Variants in ELF1 observed in about 807,000 individuals in gnomAD.
ELF1 encodes the protein ETS-related transcription factor Elf-1.
In ELF1, 24 loss-of-function variants were observed where a neutral mutation model predicts 59.9. The observed-to-expected ratio is 0.40, with a 90% CI of 0.29 to 0.56. The LOEUF is 0.56. Ranked by LOEUF, ELF1 falls within the 20% of genes least tolerant of loss-of-function variation. The pLI is 0.44. For missense variants in ELF1, 627 were observed against 742.2 expected (o/e 0.84, Z 1.80); for synonymous variants, 248 against 266.2 (o/e 0.93, Z 0.67).
chr13:40,943,807 G>T (rs771098060), intron 6 of ELF1, 35 bp downstream of exon 6: 1 of 1,569,698 alleles, frequency 6.4e-7, no homozygotes, highest in Admixed American at 1.8e-5. Context: ...AGCAATCTGA[G>T]TGTTATTTGA....
chr13:40,984,773 C>T (rs1379164174), intron 1 of ELF1, among the ~76,000 whole-genome samples: 2 of 152,122 alleles, frequency 1.3e-5, no homozygotes, highest in Non-Finnish European at 1.5e-5. Context: ...ATTTCAAAAC[C>T]CATTTGTTCA....
At chr13:40,983,897 CT>C (rs1255217290) in intron 1 of ELF1, among the ~76,000 whole-genome samples, 3 of 152,144 alleles carry the variant, frequency 2.0e-5, no homozygotes, top group African/African-American at 7.2e-5. Flanking sequence ...CACCCATCTT[CT>C]ACTTGCCAGC....
Position 40,943,042 on chromosome 13 carries a change from T to G in ELF1, c.716A>C (p.Lys239Thr). 6.2e-7 allele frequency: 1 copy of G among 1,613,354 alleles called. No individual in the cohort carries two copies. Among genetic ancestry groups the G allele is most frequent in the Non-Finnish European group, 8.5e-7 (1 of 1,179,534 alleles). ...KWTQREKGIFKLVDSKAVSRL... is the reference protein window; with the variant it reads ...KWTQREKGIFTLVDSKAVSRL... ...GGACACTGCTTTAGAATCCACCAAT[T>G]TAAAAATGCCTTTCTCTCGCTGGGT... Residue 239 changes from lysine (K) to threonine (T), a missense_variant, in exon 7 of 9, where the codon AAA becomes ACA. By Grantham distance (78) the Lys-to-Thr change is moderately conservative. Coordinates refer to ENST00000239882, the MANE Select transcript of ELF1 (RefSeq NM_172373.4).
chr13:41,001,360 G>T (rs1874434124), intron 1 of ELF1, among the ~76,000 whole-genome samples: 1 of 152,034 alleles, frequency 6.6e-6, no homozygotes, highest in Non-Finnish European at 1.5e-5. Context: ...TGCCAAGATG[G>T]GAGGATCACT....
At chr13:40,998,001 T>A (rs1874212902) in intron 1 of ELF1, among the ~76,000 whole-genome samples, 1 of 151,958 alleles carries the variant, frequency 6.6e-6, no homozygotes, top group Non-Finnish European at 1.5e-5. Context: ...AATAAAAAAA[T>A]TCGCTGGGTG....
At chr13:40,939,248 G>T (rs1869980861) in intron 8 of ELF1, among the ~76,000 whole-genome samples, 1 of 152,142 alleles carries the variant, frequency 6.6e-6, no homozygotes, top group Non-Finnish European at 1.5e-5. Flanking sequence ...CCTGGAAGTA[G>T]GATGCAGTGA....
intron 1 of ELF1, among the ~76,000 whole-genome samples, chr13:41,034,924 A>G (rs1876313387): frequency 6.6e-6 from 1 of 151,822 alleles, no homozygotes; most frequent in Non-Finnish European, 1.5e-5. Context: ...CCCAGCATAT[A>G]CTCTACATCT....
At chr13:41,054,434 T>A (rs1253698253) in intron 1 of ELF1, among the ~76,000 whole-genome samples, 1 of 152,224 alleles carries the variant, frequency 6.6e-6, no homozygotes, top group Non-Finnish European at 1.5e-5. Flanking sequence ...AGTATTAACT[T>A]GTTCATGGAG....
intron 1 of ELF1, among the ~76,000 whole-genome samples, chr13:41,006,571 G>GT: frequency 6.6e-6 from 1 of 152,134 alleles, no homozygotes; most frequent in Admixed American, 6.5e-5. Flanking sequence ...GGGCAGATAA[G>GT]TATTACATCT....
intron 1 of ELF1, among the ~76,000 whole-genome samples, chr13:40,991,309 T>C (rs1004882089): frequency 6.6e-6 from 1 of 152,252 alleles, no homozygotes; most frequent in Non-Finnish European, 1.5e-5. Context: ...AATACTGGTT[T>C]ATTAATTTTG....
rs1442289656 is a variant in ELF1 at position 40,981,993 on chromosome 13, T to C, written c.62A>G (p.Asp21Gly). 1 of 1,606,080 alleles carries C rather than the reference T, an allele frequency of 6.2e-7. No homozygotes were observed. The highest frequency in any genetic ancestry group is 1.3e-5 in the African/African-American group (1 of 74,694). The change falls in exon 2 of 9, where the codon GAT becomes GGT. Residue 21 changes from aspartate to glycine, a missense_variant. Coordinates refer to ENST00000239882, the MANE Select transcript of ELF1 (RefSeq NM_172373.4). ...VFEFASNVME[D>G]ERQLGDPAIF... ...CTCTGAATCTCATACCTGTCGTTCA[T>C]CCTCCATGACGTTACTAGCAAATTC...
intron 1 of ELF1, among the ~76,000 whole-genome samples, chr13:41,044,634 C>CTG (rs1566198969): frequency 5.3e-5 from 8 of 152,060 alleles, no homozygotes; most frequent in East Asian, 1.9e-4. Flanking sequence ...TGCATTCCCC[C>CTG]GGATGAAGCC....
intron 1 of ELF1, among the ~76,000 whole-genome samples, chr13:40,987,975 TGA>T (rs1354043467): frequency 6.6e-6 from 1 of 151,960 alleles, no homozygotes; most frequent in Non-Finnish European, 1.5e-5. Context: ...AGTAAGAAAG[TGA>T]GAGAAAAGAA....
chr13:40,954,573 G>C (rs371820423), intron 3 of ELF1, among the ~76,000 whole-genome samples: 12 of 151,934 alleles, frequency 7.9e-5, no homozygotes, highest in South Asian at 2.1e-4. Flanking sequence ...TCAGCCTGCC[G>C]AGTGCCTGCG....
intron 3 of ELF1, among the ~76,000 whole-genome samples, chr13:40,957,333 T>C (rs1871511088): frequency 7.5e-6 from 1 of 134,024 alleles, no homozygotes; most frequent in Admixed American, 8.2e-5. Context: ...CCAAGATCTA[T>C]GCCTGATGTG....
chr13:41,046,905 G>A (rs144637583), intron 1 of ELF1, among the ~76,000 whole-genome samples: 1,830 of 152,220 alleles, frequency 0.012, 41 homozygotes, highest in African/African-American at 0.041. Flanking sequence ...CATTCTCCCC[G>A]TCACTTTCAG....
chr13:41,051,085 C>A (rs1877069320), intron 1 of ELF1, among the ~76,000 whole-genome samples: 3 of 152,026 alleles, frequency 2.0e-5, no homozygotes, highest in Non-Finnish European at 4.4e-5. Context: ...TGGCAAAAAG[C>A]CATCTAAAAA....
intron 1 of ELF1, among the ~76,000 whole-genome samples, chr13:41,001,916 T>C (rs1052216113): frequency 6.6e-6 from 1 of 152,180 alleles, no homozygotes; most frequent in African/African-American, 2.4e-5. Context: ...GGCTGTTATC[T>C]TAAAACCCAT....
intron 1 of ELF1, among the ~76,000 whole-genome samples, chr13:41,001,134 G>A (rs1255737715): frequency 2.0e-5 from 3 of 151,794 alleles, no homozygotes; most frequent in Admixed American, 6.6e-5. Context: ...CCACCACCAC[G>A]CCTGTCTAAT....
Sources: allele counts gnomAD v4.1 joint callset (sites outside exome capture counted in the v4.1 genomes callset), GRCh38; gene constraint gnomAD v4.1.1; transcripts MANE v1.5; gene names NCBI Gene and HGNC (gene_info 2026-07-23, HGNC 2026-07-21).